Variants in DPP10 observed in about 807,000 individuals in gnomAD.
DPP10 encodes dipeptidyl peptidase like 10, also known as inactive dipeptidyl peptidase 10.
DPP10 carries 33 observed loss-of-function variants against 120.9 expected under a neutral mutation model. That is an observed-to-expected ratio of 0.27 (90% CI 0.21 to 0.37). The LOEUF is 0.37. Ranked by LOEUF, DPP10 falls within the 10% of genes least tolerant of loss-of-function variation. The pLI is 1.00. For missense variants in DPP10, 816 were observed against 942.8 expected (o/e 0.87, Z 1.76); for synonymous variants, 337 against 326.1 (o/e 1.03, Z -0.36).
intron 1 of DPP10, among the ~76,000 whole-genome samples, chr2:114,839,030 C>A (rs1687953231): frequency 6.6e-6 from 1 of 152,032 alleles, no homozygotes; most frequent in Admixed American, 6.6e-5. Context: ...TACTATAATG[C>A]CTCTTACATG....
chr2:115,105,426 A>G (rs1438022908), intron 1 of DPP10, among the ~76,000 whole-genome samples: 1 of 38,142 alleles, frequency 2.6e-5, no homozygotes, highest in Non-Finnish European at 4.6e-5. Flanking sequence ...ACATGGTGAG[A>G]GAGAGAGAGA....
chr2:115,768,495 G>A lies in DPP10; in HGVS notation c.1221+91G>A, dbSNP rs1336043702. The A allele has an allele frequency of 9.5e-6, 11 of 1,151,890 alleles. No homozygotes were observed. In the South Asian group the frequency reaches 1.2e-4, roughly 12 times the overall value. 71.4% of individuals were successfully genotyped at this position (1,151,890 alleles called of 1,614,324 possible). A position where few individuals can be genotyped will look rare whatever the true frequency, so the allele number is the denominator to read the frequency against. On this transcript the variant is annotated intron_variant, in intron 13 of 25. Transcript: ENST00000410059. Reference sequence around the variant, plus strand: ...GTGGCATTCTAAACCTCTAGTTCATGGTGGTGAAACCCAGCCATATATACA... The same window carrying A: ...GTGGCATTCTAAACCTCTAGTTCATAGTGGTGAAACCCAGCCATATATACA...
At chr2:115,198,476 T>G (rs992796355) in intron 1 of DPP10, among the ~76,000 whole-genome samples, 1 of 152,208 alleles carries the variant, frequency 6.6e-6, no homozygotes, top group African/African-American at 2.4e-5. Context: ...TGTCACTCTG[T>G]ATATACACCT....
At chr2:115,797,219 G>A (rs1239523744) in intron 19 of DPP10, among the ~76,000 whole-genome samples, 1 of 152,002 alleles carries the variant, frequency 6.6e-6, no homozygotes, top group Non-Finnish European at 1.5e-5. Context: ...TCTCAGCTCA[G>A]ATTATTTAAT....
At chr2:115,055,729 A>G (rs72835709) in intron 1 of DPP10, among the ~76,000 whole-genome samples, 8,100 of 152,298 alleles carry the variant, frequency 0.053, 292 homozygotes, top group East Asian at 0.15. Context: ...ACCCAGTTCT[A>G]GAATGAAGAG....
intron 2 of DPP10, among the ~76,000 whole-genome samples, chr2:115,319,408 C>G (rs2061952625): frequency 2.0e-5 from 3 of 152,112 alleles, no homozygotes; most frequent in African/African-American, 7.2e-5. Context: ...TTTAACCTCA[C>G]AGAATGAGAT....
At chr2:115,244,762 C>T (rs769823741) in intron 1 of DPP10, among the ~76,000 whole-genome samples, 8 of 150,214 alleles carry the variant, frequency 5.3e-5, no homozygotes, top group Non-Finnish European at 1.2e-4. Flanking sequence ...CCAAGAGTAC[C>T]TCTGTGTTTA....
intron 7 of DPP10, among the ~76,000 whole-genome samples, chr2:115,721,356 A>G (rs769700807): frequency 6.6e-6 from 1 of 152,208 alleles, no homozygotes; most frequent in African/African-American, 2.4e-5. Flanking sequence ...GGTTCAAACT[A>G]TGTGATCTAG....
At chr2:115,527,902 A>G (rs2148904796) in intron 5 of DPP10, among the ~76,000 whole-genome samples, 1 of 152,238 alleles carries the variant, frequency 6.6e-6, no homozygotes. Flanking sequence ...TCATTCATAC[A>G]TTGCAGTTGG....
chr2:115,785,198 G>C (rs1436923772), intron 17 of DPP10, among the ~76,000 whole-genome samples: 1 of 152,156 alleles, frequency 6.6e-6, no homozygotes. Context: ...TCCACCAGCC[G>C]TGTTCCTATG....
chr2:114,556,206 C>A (rs1465756157), intron 1 of DPP10, among the ~76,000 whole-genome samples: 1 of 118,672 alleles, frequency 8.4e-6, no homozygotes, highest in Non-Finnish European at 1.7e-5. Context: ...AGGGCTGTAG[C>A]AGGAGAAACA....
intron 19 of DPP10, among the ~76,000 whole-genome samples, chr2:115,804,813 C>T (rs999536052): frequency 5.3e-5 from 8 of 152,114 alleles, no homozygotes; most frequent in Admixed American, 6.5e-5. Flanking sequence ...CAGGAGTACC[C>T]GGCTATGTGA....
At chr2:114,628,070 C>T (rs1694646586) in intron 1 of DPP10, among the ~76,000 whole-genome samples, 2 of 152,072 alleles carry the variant, frequency 1.3e-5, no homozygotes. Context: ...TGAAATCTTA[C>T]TTTCAAAAAT....
At chr2:115,655,581 T>G (rs1315168000) in intron 5 of DPP10, among the ~76,000 whole-genome samples, 4 of 151,668 alleles carry the variant, frequency 2.6e-5, no homozygotes, top group African/African-American at 7.2e-5. Flanking sequence ...ATTATTTGAT[T>G]GGTTTGGATA....
At chr2:115,140,605 A>C (rs1442367480) in intron 1 of DPP10, among the ~76,000 whole-genome samples, 2 of 152,212 alleles carry the variant, frequency 1.3e-5, no homozygotes, top group African/African-American at 4.8e-5. Context: ...AAGCTGTTGC[A>C]ACAATTCAGA....
At chr2:115,094,249 A>G (rs1461843767) in intron 1 of DPP10, among the ~76,000 whole-genome samples, 2 of 152,198 alleles carry the variant, frequency 1.3e-5, no homozygotes, top group Non-Finnish European at 2.9e-5. Context: ...ATTCAGAGGT[A>G]GAAATATGAC....
At chr2:114,625,487 C>T (rs535932614) in intron 1 of DPP10, among the ~76,000 whole-genome samples, 1 of 152,026 alleles carries the variant, frequency 6.6e-6, no homozygotes, top group East Asian at 1.9e-4. Flanking sequence ...TATTTTAATT[C>T]TATCATTTCT....
chr2:115,816,277 G>A (rs1687217150), intron 21 of DPP10, among the ~76,000 whole-genome samples: 2 of 152,278 alleles, frequency 1.3e-5, no homozygotes, highest in African/African-American at 4.8e-5. Flanking sequence ...AACTGCAGAA[G>A]CGCGGCCAGT....
intron 1 of DPP10, among the ~76,000 whole-genome samples, chr2:114,620,033 C>T (rs903447723): frequency 6.6e-6 from 1 of 151,880 alleles, no homozygotes; most frequent in Non-Finnish European, 1.5e-5. Flanking sequence ...TCCTAAAAAT[C>T]TCGGTTTAAG....
Sources: gnomAD v4.1 joint callset for allele counts (sites outside exome capture counted in the v4.1 genomes callset) on GRCh38, gnomAD v4.1.1 for gene constraint, MANE v1.5 for transcripts, NCBI Gene and HGNC (gene_info 2026-07-23, HGNC 2026-07-21) for gene names.